Variants in MAGI2 observed in about 807,000 individuals in gnomAD.
MAGI2 encodes membrane associated guanylate kinase, WW and PDZ domain containing 2, also known as membrane-associated guanylate kinase, WW and PDZ domain-containing protein 2.
Under a neutral mutation model 133.3 loss-of-function variants are expected in MAGI2, and 35 were observed. That is an observed-to-expected ratio of 0.26 (90% CI 0.20 to 0.35). The LOEUF (loss-of-function observed/expected upper bound fraction) is 0.35, where lower values mean the gene tolerates loss of function less well. Among genes scored for constraint, MAGI2 ranks in the 10% least tolerant of loss-of-function variants. MAGI2 has a pLI of 1.00. For synonymous variants in MAGI2, 729 were observed against 710.6 expected (o/e 1.03, Z -0.41); for missense variants, 1,636 against 1,863.4 (o/e 0.88, Z 2.25).
At chr7:78,063,149 T>G (rs1177725567) in intron 21 of MAGI2, among the ~76,000 whole-genome samples, 1 of 152,232 alleles carries the variant, frequency 6.6e-6, no homozygotes, top group East Asian at 1.9e-4. Context: ...CAAATACAGA[T>G]GTTTTTACCC....
intron 1 of MAGI2, among the ~76,000 whole-genome samples, chr7:79,139,407 A>G (rs529183853): frequency 1.3e-5 from 2 of 152,306 alleles, no homozygotes; most frequent in South Asian, 4.1e-4. Flanking sequence ...TGTTTTACAG[A>G]TTATAACACT....
rs1307003065 is a variant in MAGI2, at chr7:78,501,766, T to C, written c.776A>G (p.Lys259Arg). The change falls in exon 5 of 22, where the codon AAA becomes AGA. Residue 259 changes from lysine (K) to arginine (R), a missense_variant. This residue lies in a region of MAGI2 where 165 missense variants were observed against 128.4 expected (regional missense o/e 1.28). Coordinates refer to ENST00000354212, the MANE Select transcript of MAGI2 (RefSeq NM_012301.4). The part of the protein sequence containing the change: ...VTPESSEHED[K>R]SAGASGEMPS... ...CATCTCCCCTGAGGCACCTGCACTT[T>C]TGTCTTCATGTTCACTGGATTCTAT... 3 of 1,613,800 alleles carry C rather than the reference T, an allele frequency of 1.9e-6. No homozygotes were observed. The highest frequency in any genetic ancestry group is 1.7e-6 in the Non-Finnish European group (2 of 1,180,004).
chr7:79,249,766 T>C (rs948133300), intron 1 of MAGI2, among the ~76,000 whole-genome samples: 3 of 152,046 alleles, frequency 2.0e-5, no homozygotes, highest in African/African-American at 7.2e-5. Flanking sequence ...CTGAAACAGA[T>C]AGGAAGAGGG....
chr7:79,186,233 T>TATATATATATATATATA (rs1827120739), intron 1 of MAGI2, among the ~76,000 whole-genome samples: 1 of 124,178 alleles, frequency 8.1e-6, no homozygotes, highest in East Asian at 2.3e-4. Flanking sequence ...TATATATATA[T>TATATATATATATATATA]ATATATATAT....
intron 6 of MAGI2, among the ~76,000 whole-genome samples, chr7:78,409,640 T>C (rs1401862089): frequency 6.6e-6 from 1 of 152,094 alleles, no homozygotes; most frequent in Admixed American, 6.6e-5. Context: ...CAAACAGTTT[T>C]TCAAAATCTG....
chr7:79,010,548 T>G (rs896487851), intron 1 of MAGI2, among the ~76,000 whole-genome samples: 3 of 152,120 alleles, frequency 2.0e-5, no homozygotes, highest in Non-Finnish European at 4.4e-5. Flanking sequence ...ACTTATAAAT[T>G]TTTTATTTTA....
chr7:78,522,401 C>G (rs551148318), intron 3 of MAGI2, among the ~76,000 whole-genome samples: 62 of 152,284 alleles, frequency 4.1e-4, no homozygotes, highest in Admixed American at 9.8e-4. Flanking sequence ...TTTATTGAGA[C>G]AGAGTCTTGC....
chr7:79,285,775 A>G (rs1835956102), intron 1 of MAGI2, among the ~76,000 whole-genome samples: 1 of 152,114 alleles, frequency 6.6e-6, no homozygotes, highest in Admixed American at 6.6e-5. Context: ...TCTGAAAACT[A>G]CTCTCTCCCA....
At chr7:78,894,605 T>C (rs1032632351) in intron 2 of MAGI2, among the ~76,000 whole-genome samples, 5 of 152,334 alleles carry the variant, frequency 3.3e-5, no homozygotes, top group African/African-American at 7.2e-5. Context: ...TAAGTCATCA[T>C]ACTAATGCAA....
Position 79,218,144 on chromosome 7 carries a change from G to A in MAGI2, c.302-210938C>T, listed in dbSNP as rs142533773. On this transcript the variant is annotated intron_variant, in intron 1 of 21. Coordinates refer to ENST00000354212, the MANE Select transcript of MAGI2 (RefSeq NM_012301.4). ...CTATACTACAGAATTTTCTGAAGTT[G>A]CCCATTAAGCTGTAAATATGTACCT... Among the ~76,000 whole-genome samples the A allele has an allele frequency of 5.1e-4, 78 of 152,054 alleles. No individual in the cohort carries two copies. The East Asian group carries it at 0.011, about 21-fold the overall frequency.
rs149499072 is a variant in MAGI2, at chr7:78,947,189, T to C, written c.418+59901A>G. Among the ~76,000 whole-genome samples, 3 of 152,022 alleles carry C rather than the reference T, an allele frequency of 2.0e-5. No individual in the cohort carries two copies. The East Asian group carries it at 5.8e-4, about 29-fold the overall frequency. The stretch of plus-strand genomic sequence containing the variant: ...AAAAAACAAACCAAAACAAACAAAC[T>C]TAATAAGGATGGAGCGTTCACTCTA... On this transcript the variant is annotated intron_variant, in intron 2 of 21. Coordinates refer to ENST00000354212, the MANE Select transcript of MAGI2 (RefSeq NM_012301.4).
intron 1 of MAGI2, among the ~76,000 whole-genome samples, chr7:79,442,453 T>A (rs921751963): frequency 1.6e-5 from 2 of 122,674 alleles, no homozygotes; most frequent in Non-Finnish European, 3.6e-5. Context: ...GTTTGAAGAG[T>A]GTGTGTGTGT....
chr7:78,312,383 T>C (rs1162387470), intron 9 of MAGI2, among the ~76,000 whole-genome samples: 1 of 152,144 alleles, frequency 6.6e-6, no homozygotes, highest in African/African-American at 2.4e-5. Context: ...ATAGGCGAAC[T>C]GTAAATTTTA....
At chr7:78,660,275 AAAAAT>A (rs767074983) in intron 2 of MAGI2, among the ~76,000 whole-genome samples, 87 of 152,234 alleles carry the variant, frequency 5.7e-4, no homozygotes, top group Non-Finnish European at 1.2e-3. Context: ...GTATAATAAT[AAAAAT>A]AATAAAAAAA....
chr7:78,453,830 C>G (rs1789003464), intron 6 of MAGI2, among the ~76,000 whole-genome samples: 1 of 152,118 alleles, frequency 6.6e-6, no homozygotes, highest in African/African-American at 2.4e-5. Flanking sequence ...ATCCCTTTAA[C>G]ATGACATTTG....
intron 9 of MAGI2, among the ~76,000 whole-genome samples, chr7:78,337,815 A>G (rs1201887796): frequency 1.3e-5 from 2 of 152,206 alleles, no homozygotes; most frequent in Admixed American, 1.3e-4. Context: ...ATTAGCATTG[A>G]CTAGGCTATA....
At chr7:78,038,970 C>T (rs1810522969) in intron 21 of MAGI2, among the ~76,000 whole-genome samples, 1 of 152,128 alleles carries the variant, frequency 6.6e-6, no homozygotes, top group Non-Finnish European at 1.5e-5. Context: ...CTAAATAATA[C>T]GTTAATAGTG....
chr7:78,328,637 GA>G (rs1788853214), intron 9 of MAGI2, among the ~76,000 whole-genome samples: 1 of 151,600 alleles, frequency 6.6e-6, no homozygotes, highest in African/African-American at 2.4e-5. Context: ...AGACTCCTCT[GA>G]AAAAAATGCC....
intron 6 of MAGI2, among the ~76,000 whole-genome samples, chr7:78,462,213 C>T (rs1346937032): frequency 6.6e-6 from 1 of 152,044 alleles, no homozygotes; most frequent in Non-Finnish European, 1.5e-5. Context: ...CTCCCATATC[C>T]CACTACTCAT....
Sources: allele counts gnomAD v4.1 joint callset (sites outside exome capture counted in the v4.1 genomes callset), GRCh38; gene constraint gnomAD v4.1.1; regional missense constraint gnomAD v4.1.1; transcripts MANE v1.5; gene names NCBI Gene and HGNC (gene_info 2026-07-23, HGNC 2026-07-21).